Variants in GPHN observed in about 807,000 individuals in gnomAD.
GPHN encodes gephyrin.
In GPHN, 17 loss-of-function variants were observed where a neutral mutation model predicts 95.5. That is an observed-to-expected ratio of 0.18 (90% confidence interval 0.12 to 0.27). GPHN has a LOEUF of 0.27. Ranked by LOEUF, GPHN falls within the 10% of genes least tolerant of loss-of-function variation. The pLI, the probability that GPHN is intolerant of heterozygous loss-of-function variation, is 1.00. For synonymous variants in GPHN, 320 were observed against 322.5 expected (o/e 0.99, Z 0.08); for missense variants, 660 against 978.1 (o/e 0.67, Z 4.34).
chr14:67,352,619 G>A, the GPHN span: 1 of 219,034 alleles, frequency 4.6e-6, no homozygotes, highest in African/African-American at 2.3e-5. Flanking sequence ...TGGGGAAAGA[G>A]TATTTCAGGC....
intron 1 of GPHN, among the ~76,000 whole-genome samples, chr14:66,526,119 A>G (rs1369279203): frequency 6.6e-6 from 1 of 152,114 alleles, no homozygotes; most frequent in Non-Finnish European, 1.5e-5. Context: ...ATCCATTAGC[A>G]TGGAATGTTT....
intron 12 of GPHN, among the ~76,000 whole-genome samples, chr14:67,094,309 A>C (rs914028507): frequency 1.3e-5 from 2 of 152,170 alleles, no homozygotes; most frequent in Non-Finnish European, 2.9e-5. Context: ...TGGATATTAG[A>C]AAAAGGAGGA....
At chr14:66,588,552 A>G (rs930370668) in intron 1 of GPHN, among the ~76,000 whole-genome samples, 5 of 152,150 alleles carry the variant, frequency 3.3e-5, no homozygotes, top group Admixed American at 1.3e-4. Context: ...AAGTGACCTT[A>G]TGGAGCTGAA....
intron 1 of GPHN, among the ~76,000 whole-genome samples, chr14:66,574,587 TA>T (rs1467635663): frequency 6.6e-6 from 1 of 152,144 alleles, no homozygotes; most frequent in East Asian, 1.9e-4. Context: ...GTGTGGTGGA[TA>T]ATTTTAGGTG....
At chr14:66,700,439 A>G (rs1206757761) in intron 2 of GPHN, among the ~76,000 whole-genome samples, 4 of 152,188 alleles carry the variant, frequency 2.6e-5, no homozygotes, top group Admixed American at 2.0e-4. Context: ...ACATGTACGC[A>G]TGTTGGCTGT....
chr14:67,407,444 A>G, the GPHN span, among the ~76,000 whole-genome samples: 2 of 151,232 alleles, frequency 1.3e-5, no homozygotes, highest in Non-Finnish European at 2.9e-5. Context: ...TTTTTTAATT[A>G]AAAAAAATGT....
At chr14:67,291,656 GCAGA>G in the GPHN span, among the ~76,000 whole-genome samples, 2 of 152,126 alleles carry the variant, frequency 1.3e-5, no homozygotes, top group Non-Finnish European at 2.9e-5. Context: ...ACACTAACAG[GCAGA>G]CACAATGCAC....
At position 66,671,153 on chromosome 14, in the gene GPHN, A is replaced by G. The variant is rs994762813; in HGVS notation, c.65-9954A>G. 6.6e-5 allele frequency among the ~76,000 whole-genome samples: 10 copies of G among 152,302 alleles called. 1 individual carries two copies. Among genetic ancestry groups the G allele is most frequent in the South Asian group, 2.1e-4 (1 of 4,832 alleles). On this transcript the variant is annotated intron_variant, in intron 1 of 22. Transcript: ENST00000478722. Reference sequence around the variant, plus strand: ...TCTTTTCATGAAAATTGTTATTGGCACATACTAATCTTGATCCATTATCTT... The same window carrying G: ...TCTTTTCATGAAAATTGTTATTGGCGCATACTAATCTTGATCCATTATCTT...
At chr14:67,199,297 C>T in the GPHN span, 3 of 1,605,390 alleles carry the variant, frequency 1.9e-6, no homozygotes, top group South Asian at 2.2e-5. Flanking sequence ...TGATCAGACT[C>T]TATGGGAAGC....
At chr14:67,292,950 A>G in the GPHN span, among the ~76,000 whole-genome samples, 1 of 152,172 alleles carries the variant, frequency 6.6e-6, no homozygotes, top group African/African-American at 2.4e-5. Context: ...TTTTATATAT[A>G]ATCATAAATT....
At chr14:67,061,595 C>T (rs1001975018) in intron 11 of GPHN, among the ~76,000 whole-genome samples, 28 of 152,162 alleles carry the variant, frequency 1.8e-4, no homozygotes, top group African/African-American at 6.5e-4. Context: ...CTCTTACCTC[C>T]TTATCATCAG....
intron 1 of GPHN, among the ~76,000 whole-genome samples, chr14:66,614,099 T>C (rs991961891): frequency 6.6e-6 from 1 of 152,186 alleles, no homozygotes; most frequent in Admixed American, 6.5e-5. Flanking sequence ...TGCACAAACG[T>C]TGGAGCTAGA....
the GPHN span, among the ~76,000 whole-genome samples, chr14:67,694,477 T>TATAC: frequency 7.7e-5 from 11 of 142,920 alleles, no homozygotes; most frequent in East Asian, 6.0e-4. Flanking sequence ...TATATATATA[T>TATAC]ACACACACAC....
chr14:67,416,263 G>A, the GPHN span, among the ~76,000 whole-genome samples: 21 of 152,308 alleles, frequency 1.4e-4, no homozygotes, highest in Non-Finnish European at 2.4e-4. Flanking sequence ...CCCCACTTGC[G>A]TAAGCTGTGT....
At chr14:67,256,825 T>G in the GPHN span, among the ~76,000 whole-genome samples, 2 of 127,256 alleles carry the variant, frequency 1.6e-5, no homozygotes, top group Middle Eastern at 3.9e-3. Context: ...CACACACACA[T>G]GAAACTGATA....
chr14:67,121,047 A>G (rs1263258097), intron 16 of GPHN, among the ~76,000 whole-genome samples: 1 of 152,224 alleles, frequency 6.6e-6, no homozygotes, highest in East Asian at 1.9e-4. Context: ...GGGAGAATTC[A>G]TATAATAAGC....
At chr14:66,783,180 C>T (rs2059665139) in intron 3 of GPHN, among the ~76,000 whole-genome samples, 1 of 152,166 alleles carries the variant, frequency 6.6e-6, no homozygotes, top group South Asian at 2.1e-4. Context: ...GTTCAGTTCC[C>T]TTATAGTTTC....
At chr14:67,052,913 A>G (rs1158511658) in intron 10 of GPHN, among the ~76,000 whole-genome samples, 2 of 152,212 alleles carry the variant, frequency 1.3e-5, no homozygotes, top group Non-Finnish European at 2.9e-5. Flanking sequence ...ATAAAGAGAC[A>G]TCATGCCAGA....
chr14:67,221,916 T>C, the GPHN span: 87 of 1,367,184 alleles, frequency 6.4e-5, no homozygotes, highest in Non-Finnish European at 8.5e-5. Context: ...TCAGCTAGAC[T>C]TTTTGATGCA....
Sources: allele counts gnomAD v4.1 joint callset (sites outside exome capture counted in the v4.1 genomes callset), GRCh38; gene constraint gnomAD v4.1.1; transcripts MANE v1.5; gene names NCBI Gene and HGNC (gene_info 2026-07-23, HGNC 2026-07-21).